The following COG3 variants were observed in gnomAD, a reference collection of about 807,000 sequenced individuals.
COG3 encodes component of oligomeric golgi complex 3, also known as conserved oligomeric Golgi complex subunit 3.
Under a neutral mutation model 114.1 loss-of-function variants are expected in COG3, and 32 were observed. The ratio of observed to expected loss-of-function variants is 0.28; its 90% CI spans 0.21 to 0.38. COG3 has a LOEUF of 0.38. Ranked by LOEUF, COG3 falls within the 10% of genes least tolerant of loss-of-function variation. The probability of loss-of-function intolerance (pLI) is 1.00; values close to 1 mark genes in which losing one functional copy is unlikely to be tolerated. For missense variants in COG3, 813 were observed against 973.2 expected, an observed-to-expected ratio of 0.84 and a Z score of 2.19; for synonymous variants, 352 against 365.7, an observed-to-expected ratio of 0.96 and a Z score of 0.43.
In COG3 at chr13:45,496,141, T is replaced by C; in HGVS notation, c.1328-11T>C. On this transcript the variant is annotated splice_polypyrimidine_tract_variant and intron_variant, in intron 12 of 22. Coordinates refer to ENST00000349995, the MANE Select transcript of COG3 (RefSeq NM_031431.4). ...AATCTAAAAGAATGGATGATTGCAC[T>C]TTTTTATCAGCTGAGCAACTGGGGG... 1.9e-6 allele frequency: 3 copies of C among 1,602,756 alleles called. No homozygotes were observed. The highest frequency in any genetic ancestry group is 2.6e-6 in the Non-Finnish European group (3 of 1,173,762).
intron 14 of COG3, among the ~76,000 whole-genome samples, chr13:45,507,402 TGAGA>T (rs530312880): frequency 3.3e-5 from 5 of 151,886 alleles, no homozygotes; most frequent in Non-Finnish European, 5.9e-5. Flanking sequence ...ATAGGAGTGG[TGAGA>T]GAGAGAGAAA....
At chr13:45,480,588 A>AT (rs1886188961) in intron 4 of COG3, among the ~76,000 whole-genome samples, 2 of 151,082 alleles carry the variant, frequency 1.3e-5, no homozygotes, top group Non-Finnish European at 1.5e-5. Context: ...TTTTATTTTT[A>AT]TTTTTTTTGC....
In COG3 at chr13:45,509,802, T is replaced by C. The variant is rs1431594571; in HGVS notation, c.1705T>C (p.Tyr569His). 2.5e-6 allele frequency: 4 copies of C among 1,612,814 alleles called. No individual in the cohort carries two copies. The highest frequency in any genetic ancestry group is 3.4e-6 in the Non-Finnish European group (4 of 1,178,934). The change falls in exon 15 of 23, where the codon TAC (tyrosine) becomes CAC (histidine). Residue 569 changes from tyrosine (Y) to histidine (H), a missense_variant. Around this residue, in one of 2 missense-constraint regions of COG3, gnomAD observed 389 missense variants for 542.6 expected, o/e 0.72. Coordinates refer to ENST00000349995, the MANE Select transcript of COG3 (RefSeq NM_031431.4). ...RRTLVCLSKL[Y>H]RCIDRAVFQG... ...AACTCTTGTCTGTCTCTCCAAATTA[T>C]ACAGATGCATAGATGTACGTGTATC...
At chr13:45,519,142 T>A in intron 19 of COG3, 48 bp downstream of exon 19, 1 of 1,601,194 alleles carries the variant, frequency 6.2e-7, no homozygotes, top group Non-Finnish European at 8.5e-7. Context: ...CATTCTTCCT[T>A]AGATTTCCTT....
intron 14 of COG3, 26 bp downstream of exon 14, chr13:45,503,375 G>A: frequency 8.4e-7 from 1 of 1,194,574 alleles, no homozygotes; most frequent in Non-Finnish European, 1.3e-6. Flanking sequence ...TTAACTGCCA[G>A]CATTTATTCA....
At chr13:45,467,816 C>T (rs2137766148) in intron 1 of COG3, among the ~76,000 whole-genome samples, 1 of 152,252 alleles carries the variant, frequency 6.6e-6, no homozygotes, top group Admixed American at 6.5e-5. Flanking sequence ...ATCAGTATAA[C>T]TCAAGGATTT....
chr13:45,495,136 G>T (rs1307210298), intron 12 of COG3, among the ~76,000 whole-genome samples: 5 of 140,706 alleles, frequency 3.6e-5, no homozygotes, highest in African/African-American at 1.3e-4. Flanking sequence ...GAGCCACCAC[G>T]CCTGGCCTCT....
At chr13:45,482,551 A>G in intron 6 of COG3, 78 bp downstream of exon 6, 2 of 686,854 alleles carry the variant, frequency 2.9e-6, no homozygotes, top group South Asian at 3.9e-5. Flanking sequence ...GTGTTTTTCA[A>G]CTTTTCTGTG....
intron 19 of COG3, among the ~76,000 whole-genome samples, chr13:45,524,084 G>C (rs1301889362): frequency 6.6e-6 from 1 of 152,050 alleles, no homozygotes; most frequent in Non-Finnish European, 1.5e-5. Flanking sequence ...AGGCTGAAGA[G>C]ATCCAAGTCA....
At chr13:45,476,944 A>G (rs1885906016) in intron 2 of COG3, among the ~76,000 whole-genome samples, 1 of 152,216 alleles carries the variant, frequency 6.6e-6, no homozygotes. Flanking sequence ...ATATATAGTA[A>G]GTTGAGAGAG....
intron 21 of COG3, among the ~76,000 whole-genome samples, chr13:45,530,442 A>G (rs1191326059): frequency 2.0e-5 from 3 of 152,212 alleles, no homozygotes; most frequent in African/African-American, 7.2e-5. Context: ...GACCCTTAAA[A>G]TTATTCTCTG....
chr13:45,508,279 T>G lies in COG3; in HGVS notation c.1595-1413T>G, dbSNP rs1189928523. Reference sequence around the variant, plus strand: ...TAGATCTACTTCTATTTTCTTATTATTGAAAACATTCCAAATATACAGAAA... The same window carrying G: ...TAGATCTACTTCTATTTTCTTATTAGTGAAAACATTCCAAATATACAGAAA... On this transcript the variant is annotated intron_variant, in intron 14 of 22. Transcript: ENST00000349995. 3.3e-5 allele frequency among the ~76,000 whole-genome samples: 5 copies of G among 149,848 alleles called. No individual in the cohort carries two copies. In the East Asian group the frequency reaches 9.7e-4, roughly 29 times the overall value.
At chr13:45,532,323 G>A (rs1394945804) in intron 22 of COG3, among the ~76,000 whole-genome samples, 1 of 151,938 alleles carries the variant, frequency 6.6e-6, no homozygotes, top group Non-Finnish European at 1.5e-5. Context: ...CTTTCTATAT[G>A]ATTGTACCAC....
rs1196730146 is a variant in COG3 at position 45,493,383 on chromosome 13, T to C, written c.1224T>C (p.Asp408=). The change falls in exon 12 of 23, where the codon GAT becomes GAC. Residue 408 remains aspartate (D), a synonymous_variant. Transcript: ENST00000349995. ...AGAAACTGTGTGTGTCATTGTATGA[T>C]GTCTTCAGGCCATTGATCATTCATG... ...LLEKLCVSLY[D]VFRPLIIHVI... is the part of the protein sequence containing the mutation. 6.2e-7 allele frequency: 1 copy of C among 1,613,216 alleles called. No individual in the cohort carries two copies. Among genetic ancestry groups the C allele is most frequent in the Non-Finnish European group, 8.5e-7 (1 of 1,179,414 alleles).
intron 1 of COG3, among the ~76,000 whole-genome samples, chr13:45,474,123 T>C (rs1291708381): frequency 6.6e-6 from 1 of 151,058 alleles, no homozygotes; most frequent in Non-Finnish European, 1.5e-5. Flanking sequence ...AAAGCCAGTT[T>C]TCCCACATCT....
At position 45,535,658 on chromosome 13, in the gene COG3, G is replaced by A; in HGVS notation, c.*927G>A. 2 of 985,534 alleles carry A rather than the reference G, an allele frequency of 2.0e-6. No homozygotes were observed. The highest frequency in any genetic ancestry group is 2.4e-6 in the Non-Finnish European group (2 of 830,022). The allele number at this position is 985,534 out of a possible 1,614,324, so 61.0% of individuals were successfully genotyped here. On this transcript the variant is annotated 3_prime_UTR_variant, in exon 23 of 23. Coordinates refer to ENST00000349995, the MANE Select transcript of COG3 (RefSeq NM_031431.4). The stretch of plus-strand genomic sequence containing the variant: ...CATGTCCTGTCTATTCATTCAGCTG[G>A]CTGTGCTGTGCTGTGGACCAGCTGT...
chr13:45,499,606 T>G (rs1869230535), intron 13 of COG3, among the ~76,000 whole-genome samples: 2 of 152,240 alleles, frequency 1.3e-5, no homozygotes, highest in African/African-American at 4.8e-5. Context: ...CCTTGGAGTA[T>G]TGTTGTAAGA....
chr13:45,493,357 G>A lies in COG3; in HGVS notation c.1198G>A (p.Glu400Lys). 6.2e-7 allele frequency: 1 copy of A among 1,609,680 alleles called. No individual in the cohort carries two copies. ...KPTSKLDELLEKLCVSLYDVF... is the reference protein window; with the variant it reads ...KPTSKLDELLKKLCVSLYDVF... ...ATTCTTTCATTTTAGTGAGCTTTTG[G>A]AGAAACTGTGTGTGTCATTGTATGA... Residue 400 changes from glutamate (E) to lysine (K), a missense_variant, in exon 12 of 23, where the codon GAG becomes AAG. Coordinates refer to ENST00000349995, the MANE Select transcript of COG3 (RefSeq NM_031431.4).
chr13:45,499,384 A>G (rs1293197477), intron 13 of COG3, among the ~76,000 whole-genome samples: 5 of 152,208 alleles, frequency 3.3e-5, no homozygotes, highest in South Asian at 2.1e-4. Context: ...AAGATATACA[A>G]TGAGATTGCT....
Sources: allele counts gnomAD v4.1 joint callset (sites outside exome capture counted in the v4.1 genomes callset), GRCh38; gene constraint gnomAD v4.1.1; regional missense constraint gnomAD v4.1.1; transcripts MANE v1.5; gene names NCBI Gene and HGNC (gene_info 2026-07-23, HGNC 2026-07-21).